The following POLK variants were observed in gnomAD, a reference collection of about 807,000 sequenced individuals.
POLK encodes DNA polymerase kappa, also known as polymerase (DNA directed) kappa.
Under a neutral mutation model 94.0 loss-of-function variants are expected in POLK, and 76 were observed. The ratio of observed to expected loss-of-function variants is 0.81; its 90% CI spans 0.67 to 0.98. POLK has a LOEUF of 0.98. Among genes scored for constraint, POLK ranks in the 50% least tolerant of loss-of-function variants. POLK has a pLI of 0.00. For synonymous variants in POLK, 349 were observed against 325.4 expected (o/e 1.07, Z -0.78); for missense variants, 954 against 1,010.1 (o/e 0.94, Z 0.75).
chr5:75,513,770 C>T lies in POLK; in HGVS notation c.-14+1856C>T, dbSNP rs115996876. On this transcript the variant is annotated intron_variant, in intron 1 of 14. Transcript: ENST00000241436. ...CTTTTAGTCTAAAAAGCACACAGTACGGTACACCAATGAACAGTATTAGTG... is the reference window on the plus strand; with the variant it reads ...CTTTTAGTCTAAAAAGCACACAGTATGGTACACCAATGAACAGTATTAGTG... Among the ~76,000 whole-genome samples, 145 of 152,298 alleles carry T rather than the reference C, an allele frequency of 9.5e-4. 1 individual carries two copies. Among genetic ancestry groups the T allele is most frequent in the African/African-American group, 3.0e-3 (126 of 41,576 alleles).
intron 3 of POLK, among the ~76,000 whole-genome samples, chr5:75,566,188 G>T (rs934192729): frequency 6.6e-6 from 1 of 152,200 alleles, no homozygotes; most frequent in Non-Finnish European, 1.5e-5. Context: ...ACCTACTCAG[G>T]CCTCAGTAAT....
At chr5:75,589,384 C>CAT (rs1214086215) in intron 10 of POLK, among the ~76,000 whole-genome samples, 2 of 106,196 alleles carry the variant, frequency 1.9e-5, no homozygotes, top group Non-Finnish European at 3.7e-5. Context: ...TATATATACA[C>CAT]ACATACACAC....
intron 1 of POLK, among the ~76,000 whole-genome samples, chr5:75,545,056 G>A (rs1300719736): frequency 6.6e-6 from 1 of 152,148 alleles, no homozygotes; most frequent in East Asian, 1.9e-4. Flanking sequence ...TATTTGGTAT[G>A]GGAGGAGCTT....
intron 1 of POLK, among the ~76,000 whole-genome samples, chr5:75,528,097 T>C: frequency 6.6e-6 from 1 of 152,170 alleles, no homozygotes; most frequent in East Asian, 1.9e-4. Context: ...ATGGAAAATT[T>C]CCCTTCATAC....
chr5:75,570,078 G>A (rs773125728), intron 4 of POLK, among the ~76,000 whole-genome samples: 17 of 152,158 alleles, frequency 1.1e-4, no homozygotes, highest in Non-Finnish European at 2.2e-4. Context: ...TAAATGTGAC[G>A]TGCTTGAATC....
chr5:75,552,963 C>G (rs1157148562), intron 3 of POLK, among the ~76,000 whole-genome samples: 1 of 152,032 alleles, frequency 6.6e-6, no homozygotes, highest in East Asian at 1.9e-4. Flanking sequence ...GGAATGTTTT[C>G]TGCAATGCTG....
Position 75,597,729 on chromosome 5 carries a change from A to G in POLK, c.2486-18A>G, listed in dbSNP as rs1554064659. The G allele has an allele frequency of 6.4e-6, 9 of 1,405,342 alleles. No individual in the cohort carries two copies. Among genetic ancestry groups the G allele is most frequent in the Non-Finnish European group, 8.6e-6 (9 of 1,046,358 alleles). 87.1% of individuals were successfully genotyped at this position (1,405,342 alleles called of 1,614,324 possible). ...ATATTATTCATTATGGAATTTCTTG[A>G]CTTTCTTTCCTCTAAAGGTAGCTCA... On this transcript the variant is annotated intron_variant, in intron 13 of 14. Coordinates refer to ENST00000241436, the Ensembl canonical transcript of POLK.
chr5:75,586,007 G>C (rs1300144229), intron 9 of POLK, among the ~76,000 whole-genome samples: 4 of 152,256 alleles, frequency 2.6e-5, no homozygotes, highest in African/African-American at 9.6e-5. Context: ...AATGAAAGAT[G>C]AAGATATCAC....
chr5:75,553,208 GAA>G (rs912866260), intron 3 of POLK, among the ~76,000 whole-genome samples: 3 of 152,120 alleles, frequency 2.0e-5, no homozygotes, highest in African/African-American at 7.2e-5. Context: ...TATTTCAGGA[GAA>G]AAGTTTGGAA....
chr5:75,545,479 A>G (rs984784329), intron 1 of POLK, among the ~76,000 whole-genome samples: 3 of 152,208 alleles, frequency 2.0e-5, no homozygotes, highest in Admixed American at 6.5e-5. Flanking sequence ...CAATTCATTC[A>G]ATCTTGCTGA....
intron 13 of POLK, 155 bp from the exon 14 acceptor site, chr5:75,597,592 T>C (rs985841934): frequency 6.8e-6 from 3 of 442,470 alleles, no homozygotes; most frequent in African/African-American, 6.1e-5. Context: ...ATTAGTAAAT[T>C]ACAAAGAAAT....
exon 13 of POLK, chr5:75,596,565 T>C: frequency 1.2e-6 from 2 of 1,613,822 alleles, no homozygotes; most frequent in Non-Finnish European, 1.7e-6. Flanking sequence ...TACTTACCTG[T>C]CCTGTTTGCT....
At chr5:75,516,445 T>C (rs939762517) in intron 1 of POLK, among the ~76,000 whole-genome samples, 5 of 152,096 alleles carry the variant, frequency 3.3e-5, no homozygotes, top group Non-Finnish European at 4.4e-5. Flanking sequence ...AGTTTAAAAA[T>C]TAAAATAAAA....
chr5:75,571,133 CAGTT>C (rs1366448865), intron 4 of POLK, among the ~76,000 whole-genome samples: 5 of 152,094 alleles, frequency 3.3e-5, no homozygotes, highest in Non-Finnish European at 5.9e-5. Context: ...TCCTAAAAAT[CAGTT>C]ATTGTTTCTA....
chr5:75,525,558 A>G (rs2112551269), intron 1 of POLK, among the ~76,000 whole-genome samples: 1 of 152,312 alleles, frequency 6.6e-6, no homozygotes, highest in African/African-American at 2.4e-5. Flanking sequence ...AAGGAGTAAT[A>G]ACAGGAGTAA....
chr5:75,580,492 A>G (rs900882588), intron 6 of POLK: 2 of 261,654 alleles, frequency 7.6e-6, no homozygotes. Flanking sequence ...TTTACTTTGT[A>G]ATAATAGTTT....
intron 3 of POLK, among the ~76,000 whole-genome samples, chr5:75,566,110 C>T (rs1771253278): frequency 6.6e-6 from 1 of 152,210 alleles, no homozygotes; most frequent in Non-Finnish European, 1.5e-5. Context: ...GTGGCCTTGC[C>T]AAGCTGTGGT....
At chr5:75,580,572 T>C in intron 6 of POLK, 1 of 865,832 alleles carries the variant, frequency 1.2e-6, no homozygotes, top group Non-Finnish European at 1.4e-6. Flanking sequence ...AGAATTTGTA[T>C]ATTCAAAGAA....
chr5:75,562,107 C>T (rs1771020416), intron 3 of POLK, among the ~76,000 whole-genome samples: 1 of 152,126 alleles, frequency 6.6e-6, no homozygotes, highest in African/African-American at 2.4e-5. Flanking sequence ...GCAGTATGGC[C>T]ATTTTTACCA....
Sources: allele counts gnomAD v4.1 joint callset (sites outside exome capture counted in the v4.1 genomes callset), GRCh38; gene constraint gnomAD v4.1.1; transcripts MANE v1.5; gene names NCBI Gene and HGNC (gene_info 2026-07-23, HGNC 2026-07-21).